Variants in GRIP1 observed in about 807,000 individuals in gnomAD.
GRIP1 encodes glutamate receptor interacting protein 1, also known as glutamate receptor-interacting protein 1.
In GRIP1, 45 loss-of-function variants were observed where a neutral mutation model predicts 129.9. The observed-to-expected ratio is 0.35, with a 90% CI of 0.27 to 0.44. The LOEUF (loss-of-function observed/expected upper bound fraction) is 0.44. Among genes scored for constraint, GRIP1 ranks in the 20% least tolerant of loss-of-function variants. The pLI, the probability that GRIP1 is intolerant of heterozygous loss-of-function variation, is 1.00. For missense variants in GRIP1, 1,196 were observed against 1,396.8 expected, an observed-to-expected ratio of 0.86 and a Z score of 2.29; for synonymous variants, 530 against 520.8, an observed-to-expected ratio of 1.02 and a Z score of -0.24.
intron 24 of GRIP1, among the ~76,000 whole-genome samples, chr12:66,353,200 A>T (rs1026626007): frequency 6.6e-6 from 1 of 152,160 alleles, no homozygotes; most frequent in East Asian, 1.9e-4. Context: ...AGTGCCGAAA[A>T]AAACTGGTAA....
chr12:66,672,049 T>C (rs1939968614), intron 1 of GRIP1, among the ~76,000 whole-genome samples: 1 of 152,192 alleles, frequency 6.6e-6, no homozygotes, highest in East Asian at 1.9e-4. Context: ...GGCAGAATAT[T>C]AGGAAGAAGA....
chr12:66,894,390 C>T (rs946931644), intron 1 of GRIP1, among the ~76,000 whole-genome samples: 1 of 152,184 alleles, frequency 6.6e-6, no homozygotes, highest in African/African-American at 2.4e-5. Flanking sequence ...CCATTCTCTT[C>T]TTAGATTCTG....
upstream of GRIP1, among the ~76,000 whole-genome samples, chr12:66,683,850 A>G (rs541644745): frequency 6.6e-6 from 1 of 152,204 alleles, no homozygotes; most frequent in Non-Finnish European, 1.5e-5. Flanking sequence ...TGCTTGTACA[A>G]GAGGAAAAAT....
chr12:66,921,629 T>C (rs2041214750), intron 1 of GRIP1, among the ~76,000 whole-genome samples: 1 of 152,150 alleles, frequency 6.6e-6, no homozygotes, highest in Admixed American at 6.5e-5. Context: ...ATTTGTACAC[T>C]GGGGGTAGAA....
chr12:66,841,710 C>T (rs1474275692), intron 1 of GRIP1, among the ~76,000 whole-genome samples: 1 of 152,126 alleles, frequency 6.6e-6, no homozygotes, highest in Non-Finnish European at 1.5e-5. Flanking sequence ...CCACAGTTAG[C>T]TGACAAAACA....
intron 1 of GRIP1, among the ~76,000 whole-genome samples, chr12:66,883,096 C>T (rs777104678): frequency 1.3e-5 from 2 of 152,146 alleles, no homozygotes; most frequent in Non-Finnish European, 2.9e-5. Flanking sequence ...CTCTCCACTC[C>T]ATCCTCACAG....
At chr12:66,622,113 C>T (rs1464735178) in intron 1 of GRIP1, among the ~76,000 whole-genome samples, 1 of 151,848 alleles carries the variant, frequency 6.6e-6, no homozygotes, top group African/African-American at 2.4e-5. Flanking sequence ...CCAGTTTATC[C>T]TTTTTTTTCT....
At chr12:66,379,548 T>C (rs760609208) in intron 19 of GRIP1, 112 bp from the exon 20 acceptor site, 2 of 1,019,088 alleles carry the variant, frequency 2.0e-6, no homozygotes, top group Non-Finnish European at 3.1e-6. Flanking sequence ...ACAATAACAA[T>C]AGTGAACACA....
At chr12:66,808,537 T>G (rs1377347175), upstream of GRIP1, among the ~76,000 whole-genome samples, 2 of 152,172 alleles carry the variant, frequency 1.3e-5, no homozygotes, top group Admixed American at 1.3e-4. Context: ...GACCTTGTGA[T>G]CTGCCCACCT....
At chr12:66,900,706 T>C (rs561697814) in intron 1 of GRIP1, among the ~76,000 whole-genome samples, 2 of 152,264 alleles carry the variant, frequency 1.3e-5, no homozygotes, top group Non-Finnish European at 2.9e-5. Context: ...GATTTCCCTC[T>C]CAACTGAGTC....
rs139827522 is a variant in GRIP1 at position 66,500,614 on chromosome 12, T to G, written c.724+15005A>C. On this transcript the variant is annotated intron_variant, in intron 7 of 24. Transcript: ENST00000359742. The stretch of plus-strand genomic sequence containing the variant: ...GGGAAAAATTTCACAGTGAGTCTCT[T>G]GCATTTTACTTGTTCTTAAGTAAAA... 6.4e-3 allele frequency among the ~76,000 whole-genome samples: 982 copies of G among 152,304 alleles called. 4 individuals carry two copies. The highest frequency in any genetic ancestry group is 0.01 in the Non-Finnish European group (695 of 68,022).
intron 7 of GRIP1, among the ~76,000 whole-genome samples, chr12:66,472,816 G>T (rs1009859729): frequency 9.2e-5 from 14 of 152,188 alleles, no homozygotes; most frequent in African/African-American, 3.4e-4. Flanking sequence ...TTTTCCCATG[G>T]TCTTCATAAC....
intron 1 of GRIP1, among the ~76,000 whole-genome samples, chr12:66,829,935 A>C (rs2039487308): frequency 6.6e-6 from 1 of 152,174 alleles, no homozygotes; most frequent in East Asian, 1.9e-4. Context: ...CAGAGAGGGC[A>C]AGTTACTTGT....
chr12:66,918,008 T>C (rs760162907), intron 1 of GRIP1, among the ~76,000 whole-genome samples: 18 of 150,066 alleles, frequency 1.2e-4, no homozygotes, highest in Non-Finnish European at 2.1e-4. Flanking sequence ...TTATAAGAAA[T>C]TGGCTGACAC....
chr12:66,541,539 A>C (rs574270031), intron 3 of GRIP1, among the ~76,000 whole-genome samples: 2 of 152,282 alleles, frequency 1.3e-5, no homozygotes, highest in South Asian at 2.1e-4. Context: ...GACAAGATTC[A>C]CATAGGCTTT....
chr12:66,563,718 C>T (rs1489867940), intron 2 of GRIP1: 2 of 152,502 alleles, frequency 1.3e-5, no homozygotes, highest in Admixed American at 6.6e-5. Context: ...TTTCTATTTA[C>T]TTGATTTTTT....
At chr12:66,715,250 C>T (rs1020851936) in intron 1 of GRIP1, among the ~76,000 whole-genome samples, 1 of 151,934 alleles carries the variant, frequency 6.6e-6, no homozygotes, top group Non-Finnish European at 1.5e-5. Context: ...TTGGCCCTGC[C>T]CCCTTGGACA....
intron 1 of GRIP1, among the ~76,000 whole-genome samples, chr12:66,990,027 A>G (rs1041163162): frequency 6.6e-6 from 1 of 152,248 alleles, no homozygotes; most frequent in African/African-American, 2.4e-5. Flanking sequence ...TAAGATTCCT[A>G]GAAGGCGGAT....
intron 1 of GRIP1, among the ~76,000 whole-genome samples, chr12:66,818,623 C>G (rs188538883): frequency 6.6e-6 from 1 of 152,130 alleles, no homozygotes; most frequent in African/African-American, 2.4e-5. Flanking sequence ...TTTAAAAGTA[C>G]GTCCCATTTT....
Sources: gnomAD v4.1 joint callset for allele counts (sites outside exome capture counted in the v4.1 genomes callset) on GRCh38, gnomAD v4.1.1 for gene constraint, MANE v1.5 for transcripts, NCBI Gene and HGNC (gene_info 2026-07-23, HGNC 2026-07-21) for gene names.